Variants in HYCC2 observed in about 807,000 individuals in gnomAD.
HYCC2 encodes the protein hyccin PI4KA lipid kinase complex subunit 2.
chr2:201,043,492 A>ATTTTTTTTT, the HYCC2 span, among the ~76,000 whole-genome samples: 1 of 150,414 alleles, frequency 6.6e-6, no homozygotes, highest in Non-Finnish European at 1.5e-5. Context: ...AAATTCTGTA[A>ATTTTTTTTT]ACATATATTT....
chr2:201,064,083 C>T, the HYCC2 span: 23 of 1,534,750 alleles, frequency 1.5e-5, no homozygotes, highest in Middle Eastern at 2.2e-4. Context: ...GAGAGGAGAG[C>T]CAGAGAAGTG....
the HYCC2 span, among the ~76,000 whole-genome samples, chr2:200,983,463 A>C: frequency 6.6e-6 from 1 of 152,188 alleles, no homozygotes; most frequent in Non-Finnish European, 1.5e-5. Flanking sequence ...TTCCTTCTAA[A>C]GAATGAAATA....
chr2:200,984,955 A>G, the HYCC2 span, among the ~76,000 whole-genome samples: 4 of 152,172 alleles, frequency 2.6e-5, no homozygotes, highest in African/African-American at 7.2e-5. Flanking sequence ...TCTACAAACA[A>G]TTTAAAAATT....
the HYCC2 span, chr2:201,063,189 T>C: frequency 4.7e-5 from 76 of 1,609,050 alleles, no homozygotes; most frequent in East Asian, 5.8e-4. Context: ...AGGAGCCATT[T>C]TGAGCAACGG....
chr2:201,038,487 C>A, the HYCC2 span, among the ~76,000 whole-genome samples: 2 of 152,146 alleles, frequency 1.3e-5, no homozygotes, highest in Non-Finnish European at 2.9e-5. Context: ...AGACTTGGAA[C>A]CAACCCAAAT....
At chr2:200,993,448 A>G in the HYCC2 span, among the ~76,000 whole-genome samples, 7 of 152,160 alleles carry the variant, frequency 4.6e-5, no homozygotes, top group Non-Finnish European at 5.9e-5. Context: ...AACTATAAAC[A>G]ACTCCCTAAC....
the HYCC2 span, among the ~76,000 whole-genome samples, chr2:201,042,008 C>A: frequency 6.6e-6 from 1 of 152,142 alleles, no homozygotes; most frequent in Admixed American, 6.5e-5. Flanking sequence ...TGATGCCGAG[C>A]CGAGGCTGGA....
chr2:201,038,424 C>T, the HYCC2 span, among the ~76,000 whole-genome samples: 1 of 152,134 alleles, frequency 6.6e-6, no homozygotes, highest in Non-Finnish European at 1.5e-5. Flanking sequence ...AACCATGCTG[C>T]TATAAAGACA....
At chr2:201,061,635 T>A in the HYCC2 span, among the ~76,000 whole-genome samples, 448 of 151,764 alleles carry the variant, frequency 3.0e-3, 2 homozygotes, top group African/African-American at 0.01. Flanking sequence ...TAGTTTTTTT[T>A]TTTTTATTTT....
the HYCC2 span, among the ~76,000 whole-genome samples, chr2:201,005,106 AG>A: frequency 6.6e-6 from 1 of 152,188 alleles, no homozygotes; most frequent in Non-Finnish European, 1.5e-5. Context: ...GTGGAATGAA[AG>A]CAATTGAAAA....
the HYCC2 span, among the ~76,000 whole-genome samples, chr2:201,057,981 T>C: frequency 6.6e-6 from 1 of 152,152 alleles, no homozygotes; most frequent in Admixed American, 6.5e-5. Flanking sequence ...ATAGAAATTA[T>C]ACCCTGGCTC....
chr2:200,987,470 A>G, the HYCC2 span: 1 of 1,289,656 alleles, frequency 7.8e-7, no homozygotes, highest in African/African-American at 1.5e-5. Context: ...AGGTCAGTGG[A>G]GCCGTGTTGG....
At chr2:201,037,089 T>C in the HYCC2 span, among the ~76,000 whole-genome samples, 2 of 152,042 alleles carry the variant, frequency 1.3e-5, no homozygotes, top group South Asian at 4.1e-4. Flanking sequence ...ACAAGCATTC[T>C]TATACACCAA....
chr2:201,059,145 G>A, the HYCC2 span, among the ~76,000 whole-genome samples: 1 of 152,146 alleles, frequency 6.6e-6, no homozygotes, highest in Admixed American at 6.5e-5. Context: ...GAACTATACA[G>A]TCAGGTCTCC....
the HYCC2 span, chr2:200,996,926 C>G: frequency 6.6e-6 from 1 of 152,354 alleles, no homozygotes; most frequent in East Asian, 1.9e-4. Context: ...GGTACAACTC[C>G]ACGTTCAGCT....
At chr2:201,056,233 G>A in the HYCC2 span, among the ~76,000 whole-genome samples, 9 of 151,776 alleles carry the variant, frequency 5.9e-5, no homozygotes, top group Admixed American at 1.3e-4. Context: ...ATGAAGCACT[G>A]TGCACAGTGG....
At chr2:201,028,611 C>G in the HYCC2 span, among the ~76,000 whole-genome samples, 5,851 of 152,192 alleles carry the variant, frequency 0.038, 380 homozygotes, top group African/African-American at 0.13. Flanking sequence ...GGTACCAAAA[C>G]AGAGATATAG....
chr2:200,975,525 C>A, the HYCC2 span: 5 of 152,048 alleles, frequency 3.3e-5, no homozygotes, highest in East Asian at 1.9e-4. Flanking sequence ...CTAAGCTACA[C>A]CTAATTCCAT....
the HYCC2 span, chr2:200,992,238 T>A: frequency 8.6e-7 from 1 of 1,167,616 alleles, no homozygotes; most frequent in Non-Finnish European, 1.3e-6. Flanking sequence ...GTACCTTTTT[T>A]AGGTACCAGT....
Sources: allele counts gnomAD v4.1 joint callset (sites outside exome capture counted in the v4.1 genomes callset), GRCh38; gene constraint gnomAD v4.1.1; transcripts MANE v1.5; gene names NCBI Gene and HGNC (gene_info 2026-07-23, HGNC 2026-07-21).